PTPRD: variants seen among roughly 807,000 people sequenced by gnomAD.
PTPRD encodes the protein receptor-type tyrosine-protein phosphatase delta.
Under a neutral mutation model 214.5 loss-of-function variants are expected in PTPRD, and 34 were observed. The ratio of observed to expected loss-of-function variants is 0.16; its 90% CI spans 0.12 to 0.21. The LOEUF is 0.21. PTPRD is among the 10% of genes least tolerant of loss of function. PTPRD has a pLI of 1.00. For synonymous variants in PTPRD, 1,128 were observed against 845.7 expected (o/e 1.33, Z -5.79); for missense variants, 2,545 against 2,398.7 (o/e 1.06, Z -1.27).
At chr9:8,714,374 T>C (rs1463267100) in intron 12 of PTPRD, among the ~76,000 whole-genome samples, 1 of 152,156 alleles carries the variant, frequency 6.6e-6, no homozygotes, top group Non-Finnish European at 1.5e-5. Context: ...TTGCAGACAC[T>C]AGTCATATTC....
At chr9:10,549,574 G>C (rs1324438365) in intron 2 of PTPRD, among the ~76,000 whole-genome samples, 1 of 152,106 alleles carries the variant, frequency 6.6e-6, no homozygotes, top group Admixed American at 6.5e-5. Context: ...GAACTACAGA[G>C]AGAACTTGAC....
intron 11 of PTPRD, among the ~76,000 whole-genome samples, chr9:8,937,535 C>T (rs1049684914): frequency 6.6e-6 from 1 of 152,158 alleles, no homozygotes; most frequent in Non-Finnish European, 1.5e-5. Context: ...CTGTGCACCC[C>T]GCAGTCTAGC....
intron 11 of PTPRD, among the ~76,000 whole-genome samples, chr9:8,868,391 A>G (rs943547491): frequency 3.3e-5 from 5 of 152,002 alleles, no homozygotes; most frequent in Admixed American, 6.6e-5. Context: ...TTAGTAGAGA[A>G]GGGGGTGTCA....
chr9:9,415,098 G>C lies in PTPRD; in HGVS notation c.-236-17616C>G, dbSNP rs554286084. Among the ~76,000 whole-genome samples the C allele has an allele frequency of 3.7e-4, 56 of 152,272 alleles. 2 individuals carry two copies. In the South Asian group the frequency reaches 3.9e-3, roughly 11 times the overall value. On this transcript the variant is annotated intron_variant, in intron 8 of 45. Transcript: ENST00000381196. ...TAAGTATTGTGTAATTATGTAGTCAGTCTTGCTCAGATAGCAATAACTGCT... is the reference window on the plus strand; with the variant it reads ...TAAGTATTGTGTAATTATGTAGTCACTCTTGCTCAGATAGCAATAACTGCT...
intron 3 of PTPRD, among the ~76,000 whole-genome samples, chr9:10,192,435 C>G (rs182825890): frequency 2.0e-3 from 222 of 110,842 alleles, no homozygotes; most frequent in Non-Finnish European, 3.0e-3. Context: ...TTGGCAAGGT[C>G]ACGATCCAGG....
chr9:9,003,286 C>G (rs934465037), intron 11 of PTPRD, among the ~76,000 whole-genome samples: 1 of 151,930 alleles, frequency 6.6e-6, no homozygotes, highest in African/African-American at 2.4e-5. Flanking sequence ...CTATGAGCAA[C>G]TAAGACATGA....
chr9:10,190,861 T>C (rs918457823), intron 3 of PTPRD, among the ~76,000 whole-genome samples: 2 of 151,930 alleles, frequency 1.3e-5, no homozygotes, highest in Non-Finnish European at 2.9e-5. Context: ...ACACAGGGTA[T>C]GGGGTTTACC....
intron 36 of PTPRD, among the ~76,000 whole-genome samples, 195 bp from the exon 37 acceptor site, chr9:8,389,602 A>G (rs1171197070): frequency 1.3e-5 from 2 of 152,180 alleles, no homozygotes; most frequent in East Asian, 3.9e-4. Flanking sequence ...AGTATGCAAA[A>G]AAGTGTCAGG....
At chr9:9,969,271 G>T (rs899713748) in intron 4 of PTPRD, among the ~76,000 whole-genome samples, 1 of 152,176 alleles carries the variant, frequency 6.6e-6, no homozygotes. Context: ...GGATAGTCTA[G>T]TGGGAGATGA....
chr9:8,755,804 T>C (rs1166832046), intron 11 of PTPRD, among the ~76,000 whole-genome samples: 3 of 152,164 alleles, frequency 2.0e-5, no homozygotes, highest in Non-Finnish European at 4.4e-5. Flanking sequence ...TGAACTCAAA[T>C]TGTCTTGGAA....
rs372058193 is a variant in PTPRD, at chr9:9,691,589, C to T, written c.-287+42944G>A. On this transcript the variant is annotated intron_variant, in intron 7 of 45. Transcript: ENST00000381196. The stretch of plus-strand genomic sequence containing the variant: ...CTACTGTGAACAGTGCTGCAACAAA[C>T]ATGACAGTGCAGATTCAATATACTG... Among the ~76,000 whole-genome samples the T allele has an allele frequency of 5.7e-4, 86 of 152,144 alleles. 1 individual carries two copies. In the South Asian group the frequency reaches 0.014, roughly 25 times the overall value.
At chr9:8,590,024 G>A (rs1172994219) in intron 14 of PTPRD, among the ~76,000 whole-genome samples, 1 of 152,058 alleles carries the variant, frequency 6.6e-6, no homozygotes, top group Non-Finnish European at 1.5e-5. Flanking sequence ...GGTTATGAAC[G>A]TCGGTTTTTG....
chr9:9,810,938 AC>A (rs1290676616), intron 5 of PTPRD, among the ~76,000 whole-genome samples: 1 of 151,778 alleles, frequency 6.6e-6, no homozygotes, highest in Non-Finnish European at 1.5e-5. Flanking sequence ...CAAAATAGCA[AC>A]ATTAAAAGCA....
chr9:10,516,865 G>A (rs529932441), intron 2 of PTPRD, among the ~76,000 whole-genome samples: 75 of 151,946 alleles, frequency 4.9e-4, no homozygotes, highest in African/African-American at 1.7e-3. Context: ...GTAACCTTGT[G>A]AAAGGTCAGT....
chr9:8,815,402 G>T (rs1481505293), intron 11 of PTPRD, among the ~76,000 whole-genome samples: 2 of 152,138 alleles, frequency 1.3e-5, no homozygotes, highest in African/African-American at 4.8e-5. Flanking sequence ...ATGTGATCCA[G>T]TCTTTCCCAA....
In PTPRD at chr9:10,517,912, G is replaced by A. The variant is rs181581280; in HGVS notation, c.-600+94486C>T. ...GAATAATTTTACTTTTCTATATGCT[G>A]AAAGATCCACTGGTTCTAAGGTAGA... On this transcript the variant is annotated intron_variant, in intron 2 of 45. Coordinates refer to ENST00000381196, the MANE Select transcript of PTPRD (RefSeq NM_002839.4). Among the ~76,000 whole-genome samples, 408 of 152,204 alleles carry A rather than the reference G, an allele frequency of 2.7e-3. 6 individuals carry two copies. The highest frequency in any genetic ancestry group is 5.7e-4 in the Non-Finnish European group (39 of 67,972).
chr9:8,472,204 C>G (rs1056925193), intron 30 of PTPRD, among the ~76,000 whole-genome samples: 11 of 152,132 alleles, frequency 7.2e-5, no homozygotes, highest in Non-Finnish European at 1.3e-4. Context: ...CTTATTTACT[C>G]TATGTGTCAT....
At chr9:9,327,745 C>A (rs1266899309) in intron 9 of PTPRD, among the ~76,000 whole-genome samples, 2 of 151,938 alleles carry the variant, frequency 1.3e-5, no homozygotes, top group African/African-American at 2.4e-5. Context: ...CTGGATAATA[C>A]ACGGTACTAT....
At chr9:9,624,608 T>G (rs1429749138) in intron 7 of PTPRD, among the ~76,000 whole-genome samples, 2 of 152,068 alleles carry the variant, frequency 1.3e-5, no homozygotes, top group African/African-American at 4.8e-5. Context: ...AGCTGTTGTT[T>G]TAACCACCAT....
Sources: gnomAD v4.1 joint callset for allele counts (sites outside exome capture counted in the v4.1 genomes callset) on GRCh38, gnomAD v4.1.1 for gene constraint, MANE v1.5 for transcripts, NCBI Gene and HGNC (gene_info 2026-07-23, HGNC 2026-07-21) for gene names.